Variants in SHANK2 observed in about 807,000 individuals in gnomAD.
SHANK2 encodes the protein SH3 and multiple ankyrin repeat domains 2, also known as SH3 and multiple ankyrin repeat domains protein 2.
Under a neutral mutation model 133.7 loss-of-function variants are expected in SHANK2, and 43 were observed. The observed-to-expected ratio is 0.32, with a 90% CI of 0.25 to 0.41. SHANK2 has a LOEUF of 0.41. Ranked by LOEUF, SHANK2 falls within the 10% of genes least tolerant of loss-of-function variation. The probability of loss-of-function intolerance (pLI) is 1.00; values close to 1 mark genes in which losing one functional copy is unlikely to be tolerated. For missense variants in SHANK2, 1,994 were observed against 2,235.8 expected, an observed-to-expected ratio of 0.89 and a Z score of 2.18; for synonymous variants, 1,017 against 952.8, an observed-to-expected ratio of 1.07 and a Z score of -1.24.
At chr11:71,232,452 C>T (rs1419904641) in intron 1 of SHANK2, among the ~76,000 whole-genome samples, 1 of 152,098 alleles carries the variant, frequency 6.6e-6, no homozygotes, top group Non-Finnish European at 1.5e-5. Flanking sequence ...CAGGTTTGAA[C>T]TTCTCAAGTC....
chr11:70,595,404 C>T (rs937257893), intron 17 of SHANK2, among the ~76,000 whole-genome samples: 1 of 152,256 alleles, frequency 6.6e-6, no homozygotes, highest in Non-Finnish European at 1.5e-5. Flanking sequence ...TATAAAGCGA[C>T]TGAGGCTTCT....
At chr11:70,789,323 T>A (rs11237493) in intron 14 of SHANK2, among the ~76,000 whole-genome samples, 1 of 152,132 alleles carries the variant, frequency 6.6e-6, no homozygotes, top group Non-Finnish European at 1.5e-5. Flanking sequence ...ACCACATCTG[T>A]TTCCTGGTCA....
At chr11:70,519,871 G>C (rs1430424652) in intron 17 of SHANK2, among the ~76,000 whole-genome samples, 3 of 151,248 alleles carry the variant, frequency 2.0e-5, no homozygotes, top group Non-Finnish European at 4.4e-5. Flanking sequence ...AAGTAGCTGG[G>C]ACCCAGGACC....
intron 15 of SHANK2, among the ~76,000 whole-genome samples, chr11:70,671,293 G>A (rs1394403625): frequency 2.0e-5 from 3 of 152,058 alleles, no homozygotes; most frequent in Admixed American, 6.5e-5. Flanking sequence ...GAGAATGCTA[G>A]GAGGGAGAAT....
At chr11:70,653,030 T>C (rs577501221) in intron 17 of SHANK2, among the ~76,000 whole-genome samples, 3 of 152,158 alleles carry the variant, frequency 2.0e-5, no homozygotes, top group Non-Finnish European at 2.9e-5. Context: ...TGGAGTGCAG[T>C]GGAGCAATCT....
chr11:70,612,908 T>C (rs974529323), intron 17 of SHANK2, among the ~76,000 whole-genome samples: 3 of 152,236 alleles, frequency 2.0e-5, no homozygotes, highest in African/African-American at 7.2e-5. Context: ...ATGAATGCAG[T>C]TGGCATTCAT....
At chr11:71,117,058 C>T (rs1480657380) in intron 4 of SHANK2, among the ~76,000 whole-genome samples, 7 of 152,160 alleles carry the variant, frequency 4.6e-5, no homozygotes, top group Admixed American at 2.6e-4. Flanking sequence ...TCAGTCTTGT[C>T]GCCCAGGCTG....
intron 15 of SHANK2, among the ~76,000 whole-genome samples, chr11:70,673,657 G>A (rs1218443841): frequency 2.0e-5 from 3 of 152,232 alleles, no homozygotes; most frequent in Non-Finnish European, 2.9e-5. Flanking sequence ...CCTGCAGCCC[G>A]TGGTCCCCCC....
In SHANK2 at chr11:70,841,192, A is replaced by T. The variant is rs1040412448; in HGVS notation, c.1175-20510T>A. ...AGGCTAGGGCAGGAGAATCGCTTGA[A>T]CCTGGGAGGCAGAGGTTACAGTGAG... is the stretch of plus-strand genomic sequence containing the variant. On this transcript the variant is annotated intron_variant, in intron 11 of 25. Transcript: ENST00000601538. Among the ~76,000 whole-genome samples, 11 of 152,220 alleles carry T rather than the reference A, an allele frequency of 7.2e-5. No individual in the cohort carries two copies. The East Asian group carries it at 2.1e-3, about 29-fold the overall frequency.
intron 2 of SHANK2, among the ~76,000 whole-genome samples, chr11:71,222,238 T>C (rs1954559441): frequency 6.6e-6 from 1 of 151,500 alleles, no homozygotes; most frequent in Non-Finnish European, 1.5e-5. Flanking sequence ...GGGCTGAAAG[T>C]GCCCTGGCCA....
rs566811906 is a variant in SHANK2 at position 71,164,080 on chromosome 11, C to T, written c.-12-16742G>A. Among the ~76,000 whole-genome samples the T allele has an allele frequency of 3.9e-5, 6 of 152,198 alleles. No homozygotes were observed. In the South Asian group the frequency reaches 1.2e-3, roughly 32 times the overall value. ...AACCCTCCCAGATGCCAGTGGTCTC[C>T]AAATTTTCAGGTACCCTGTGTTTGT... On this transcript the variant is annotated intron_variant, in intron 2 of 25. Coordinates refer to ENST00000601538, the MANE Select transcript of SHANK2 (RefSeq NM_012309.5).
chr11:70,670,882 C>T (rs1303833195), intron 15 of SHANK2, among the ~76,000 whole-genome samples: 6 of 152,160 alleles, frequency 3.9e-5, no homozygotes, highest in Non-Finnish European at 8.8e-5. Context: ...CAGGGGGCTG[C>T]GTCGCTTCAC....
chr11:70,932,348 C>T (rs1420623425), intron 10 of SHANK2, among the ~76,000 whole-genome samples: 2 of 152,182 alleles, frequency 1.3e-5, no homozygotes, highest in African/African-American at 2.4e-5. Flanking sequence ...TTAGACACTC[C>T]GGGAGCTAGA....
intron 15 of SHANK2, among the ~76,000 whole-genome samples, chr11:70,691,473 T>C (rs1289201057): frequency 6.6e-6 from 1 of 152,186 alleles, no homozygotes; most frequent in African/African-American, 2.4e-5. Flanking sequence ...ATCTTTACCA[T>C]GCTGGGAGAG....
intron 11 of SHANK2, among the ~76,000 whole-genome samples, chr11:70,879,365 T>C (rs1555071983): frequency 6.6e-6 from 1 of 152,250 alleles, no homozygotes; most frequent in Non-Finnish European, 1.5e-5. Flanking sequence ...CTCCGATATT[T>C]GAAATCCCAA....
rs782490213 is a variant in SHANK2, at chr11:70,599,921, A to AAG, written c.2061+59905_2061+59906dup. On this transcript the variant is annotated intron_variant, in intron 17 of 25. Coordinates refer to ENST00000601538, the MANE Select transcript of SHANK2 (RefSeq NM_012309.5). ...AGAAAGAAAGAGAAAGAAAGAAAGAAAGAAAGAAAGAAAGAAAGAAAGAAA... is the reference window on the plus strand; with the variant it reads ...AGAAAGAAAGAGAAAGAAAGAAAGAAAGAGAAAGAAAGAAAGAAAGAAAGAAA... 3.4e-3 allele frequency among the ~76,000 whole-genome samples: 210 copies of AAG among 61,122 alleles called. 1 individual carries two copies. Among genetic ancestry groups the AAG allele is most frequent in the African/African-American group, 0.012 (185 of 14,854 alleles). 40.1% of individuals were successfully genotyped at this position (61,122 alleles called of 152,430 possible).
chr11:70,816,942 C>A (rs377165097), intron 12 of SHANK2, among the ~76,000 whole-genome samples: 1 of 152,332 alleles, frequency 6.6e-6, no homozygotes, highest in South Asian at 2.1e-4. Context: ...AATGTCCCTG[C>A]GCCCAGCATG....
intron 10 of SHANK2, among the ~76,000 whole-genome samples, chr11:70,917,061 G>A (rs1950281038): frequency 6.6e-6 from 1 of 152,190 alleles, no homozygotes; most frequent in Admixed American, 6.5e-5. Context: ...CTACGCAGCA[G>A]GGCAGTGAGC....
chr11:71,198,542 C>G (rs190869625), intron 2 of SHANK2, among the ~76,000 whole-genome samples: 4 of 152,298 alleles, frequency 2.6e-5, no homozygotes, highest in African/African-American at 9.6e-5. Context: ...CAGGAACATC[C>G]CACTACCACA....
Sources: gnomAD v4.1 joint callset for allele counts (sites outside exome capture counted in the v4.1 genomes callset) on GRCh38, gnomAD v4.1.1 for gene constraint, MANE v1.5 for transcripts, NCBI Gene and HGNC (gene_info 2026-07-23, HGNC 2026-07-21) for gene names.